Variants in PLCB1 observed in about 807,000 individuals in gnomAD.
The protein encoded by PLCB1 is 1-phosphatidylinositol 4,5-bisphosphate phosphodiesterase beta-1.
In PLCB1, 46 loss-of-function variants were observed where a neutral mutation model predicts 161.8. The ratio of observed to expected loss-of-function variants is 0.28; its 90% CI spans 0.22 to 0.36. PLCB1 has a LOEUF of 0.36. Ranked by LOEUF, PLCB1 falls within the 10% of genes least tolerant of loss-of-function variation. The pLI, the probability that PLCB1 is intolerant of heterozygous loss-of-function variation, is 1.00. For synonymous variants in PLCB1, 517 were observed against 503.7 expected (o/e 1.03, Z -0.35); for missense variants, 1,016 against 1,472.5 (o/e 0.69, Z 5.07).
chr20:8,626,563 T>C (rs1415713440), intron 3 of PLCB1, among the ~76,000 whole-genome samples: 3 of 152,186 alleles, frequency 2.0e-5, no homozygotes, highest in Admixed American at 1.3e-4. Flanking sequence ...GAATGAGTTG[T>C]GTGGCTATCA....
intron 3 of PLCB1, among the ~76,000 whole-genome samples, chr20:8,575,867 T>C (rs1473530411): frequency 6.6e-6 from 1 of 152,234 alleles, no homozygotes; most frequent in Non-Finnish European, 1.5e-5. Flanking sequence ...AGTAACGAGC[T>C]TGGAGATGTA....
chr20:8,330,815 A>ACATAGCG (rs1985339287), intron 2 of PLCB1, among the ~76,000 whole-genome samples: 1 of 151,990 alleles, frequency 6.6e-6, no homozygotes, highest in African/African-American at 2.4e-5. Context: ...CAACATTAGC[A>ACATAGCG]TCTACATCCT....
intron 3 of PLCB1, among the ~76,000 whole-genome samples, chr20:8,443,666 T>C (rs1699729399): frequency 6.6e-6 from 1 of 152,178 alleles, no homozygotes; most frequent in Admixed American, 6.5e-5. Context: ...GTCACGCTAT[T>C]GGAGGGCAGA....
At chr20:8,578,909 A>G (rs1442659323) in intron 3 of PLCB1, among the ~76,000 whole-genome samples, 1 of 152,246 alleles carries the variant, frequency 6.6e-6, no homozygotes, top group African/African-American at 2.4e-5. Context: ...GATGGCAGTC[A>G]CATCTTGATA....
At chr20:8,732,773 T>A (rs1980334215) in intron 18 of PLCB1, among the ~76,000 whole-genome samples, 1 of 130,448 alleles carries the variant, frequency 7.7e-6, no homozygotes, top group Admixed American at 7.6e-5. Context: ...ATTAGATATA[T>A]TAGAATAATA....
chr20:8,753,200 T>C (rs1981573127), intron 23 of PLCB1, among the ~76,000 whole-genome samples: 1 of 152,130 alleles, frequency 6.6e-6, no homozygotes, highest in Non-Finnish European at 1.5e-5. Context: ...TGATTCTACA[T>C]TATGGTGAGT....
intron 3 of PLCB1, among the ~76,000 whole-genome samples, chr20:8,547,993 A>G (rs1159194501): frequency 2.0e-5 from 3 of 151,614 alleles, no homozygotes; most frequent in Non-Finnish European, 1.5e-5. Context: ...CTCCACCTTC[A>G]TATCTCAAGT....
intron 2 of PLCB1, among the ~76,000 whole-genome samples, chr20:8,327,743 G>C (rs1985211667): frequency 6.6e-6 from 1 of 152,054 alleles, no homozygotes; most frequent in Non-Finnish European, 1.5e-5. Context: ...GTGCCTTCAG[G>C]TAGTTTTCTG....
rs111861544 is a variant in PLCB1 at position 8,801,514 on chromosome 20, C to T, written c.3423+11253C>T. ...AGGCTTTGTCTGTTTCGTTCCCTGA[C>T]GCTCTTGAGTTCCAGACATCCAAGA... On this transcript the variant is annotated intron_variant, in intron 31 of 31. Coordinates refer to ENST00000338037, the MANE Select transcript of PLCB1 (RefSeq NM_015192.4). Among the ~76,000 whole-genome samples the T allele has an allele frequency of 8.1e-3, 1,239 of 152,302 alleles. 17 individuals are homozygous for T. The highest frequency in any genetic ancestry group is 0.029 in the African/African-American group (1,188 of 41,558).
chr20:8,864,904 C>T (rs1044859297), intron 31 of PLCB1, among the ~76,000 whole-genome samples: 1 of 152,066 alleles, frequency 6.6e-6, no homozygotes, highest in African/African-American at 2.4e-5. Flanking sequence ...TGGGAAGCAG[C>T]GCCAGAATTA....
At position 8,506,399 on chromosome 20, in the gene PLCB1, A is replaced by G. The variant is rs113120472; in HGVS notation, c.247-121895A>G. 5.0e-3 allele frequency among the ~76,000 whole-genome samples: 758 copies of G among 152,286 alleles called. 6 individuals are homozygous for G. The highest frequency in any genetic ancestry group is 0.017 in the African/African-American group (721 of 41,558). ...TCTCAGTGTGAAATCATCTATATCA[A>G]TCTTTTTGGTGCTGTACCCTATACT... On this transcript the variant is annotated intron_variant, in intron 3 of 31. Transcript: ENST00000338037.
intron 3 of PLCB1, among the ~76,000 whole-genome samples, chr20:8,534,334 G>T (rs969497142): frequency 6.6e-6 from 1 of 152,274 alleles, no homozygotes; most frequent in East Asian, 1.9e-4. Flanking sequence ...GAGCCACTGC[G>T]CCCCCGGCCC....
At chr20:8,619,097 G>T (rs191715897) in intron 3 of PLCB1, among the ~76,000 whole-genome samples, 10 of 152,186 alleles carry the variant, frequency 6.6e-5, no homozygotes, top group Admixed American at 6.5e-4. Flanking sequence ...GAACTGGTGG[G>T]AAATTTTCTC....
At chr20:8,516,347 T>C (rs73894572) in intron 3 of PLCB1, among the ~76,000 whole-genome samples, 13,796 of 152,138 alleles carry the variant, frequency 0.091, 682 homozygotes, top group Middle Eastern at 0.12. Flanking sequence ...CAAAGCCAGT[T>C]ACATAGTTAA....
At chr20:8,164,125 T>C (rs926635298) in intron 2 of PLCB1, among the ~76,000 whole-genome samples, 3 of 152,228 alleles carry the variant, frequency 2.0e-5, no homozygotes, top group African/African-American at 7.2e-5. Context: ...AAGGCTATTA[T>C]TCCAAAGTGA....
intron 2 of PLCB1, among the ~76,000 whole-genome samples, chr20:8,225,687 C>T (rs76667322): frequency 0.11 from 16,436 of 152,176 alleles, 1,792 homozygotes; most frequent in East Asian, 0.57. Context: ...TAGCTCAGCT[C>T]ATCTGAAGAA....
chr20:8,320,175 ATGT>A lies in PLCB1; in HGVS notation c.178-51202_178-51200del, dbSNP rs1013032977. ...TGAATGAGTAAATATGCTTCTCTAT[ATGT>A]TGTTATTGTGTTGTTGTTAATAAAG... On this transcript the variant is annotated intron_variant, in intron 2 of 31. Transcript: ENST00000338037. 6.1e-4 allele frequency among the ~76,000 whole-genome samples: 93 copies of A among 152,218 alleles called. 1 individual carries two copies. The highest frequency in any genetic ancestry group is 3.4e-3 in the Middle Eastern group (1 of 292).
At chr20:8,704,227 T>A (rs546282730) in intron 11 of PLCB1, among the ~76,000 whole-genome samples, 1 of 152,222 alleles carries the variant, frequency 6.6e-6, no homozygotes, top group South Asian at 2.1e-4. Context: ...TGGTGGTACA[T>A]GCCTGTAGTC....
intron 2 of PLCB1, among the ~76,000 whole-genome samples, chr20:8,193,158 T>A (rs1049802915): frequency 7.9e-5 from 12 of 151,952 alleles, no homozygotes; most frequent in African/African-American, 2.9e-4. Context: ...AATAGGCACA[T>A]TCACATATTG....
Sources: gnomAD v4.1 joint callset for allele counts (sites outside exome capture counted in the v4.1 genomes callset) on GRCh38, gnomAD v4.1.1 for gene constraint, MANE v1.5 for transcripts, NCBI Gene and HGNC (gene_info 2026-07-23, HGNC 2026-07-21) for gene names.